Variants in ZNF19 observed in about 807,000 individuals in gnomAD.
The protein encoded by ZNF19 is zinc finger protein 19 (KOX 12).
A neutral mutation model predicts 13.1 loss-of-function variants in ZNF19; 11 were observed. That is an observed-to-expected ratio of 0.84 (90% CI 0.53 to 1.39). The LOEUF (loss-of-function observed/expected upper bound fraction) is 1.39. ZNF19 is among the 40% of genes most tolerant of loss of function. The pLI, the probability that ZNF19 is intolerant of heterozygous loss-of-function variation, is 0.00. For missense variants in ZNF19, 560 were observed against 547.0 expected (o/e 1.02, Z -0.24); for synonymous variants, 186 against 187.0 (o/e 0.99, Z 0.04).
chr16:71,481,085 C>G (rs2043634480), intron 3 of ZNF19, among the ~76,000 whole-genome samples: 1 of 152,236 alleles, frequency 6.6e-6, no homozygotes, highest in Admixed American at 6.5e-5. Context: ...AACAACAAGA[C>G]TTTGTGTCTC....
chr16:71,484,658 A>G lies in ZNF19; in HGVS notation c.-99T>C, dbSNP rs1206767090. The G allele has an allele frequency of 1.0e-6, 1 of 985,148 alleles. No individual in the cohort carries two copies. The highest frequency in any genetic ancestry group is 1.7e-5 in the African/African-American group (1 of 57,176). 61.0% of individuals were successfully genotyped at this position (985,148 alleles called of 1,614,324 possible). On this transcript the variant is annotated 5_prime_UTR_variant, in exon 2 of 6. Transcript: ENST00000288177. ...ACTTTGGCCTTGCACCCAGGCTCAC[A>G]CGCGTACTCTCTAGGATGCCGGAGC...
In ZNF19 at chr16:71,484,751, T is replaced by C. The variant is rs13331092; in HGVS notation, c.-189-3A>G. The C allele has an allele frequency of 7.0e-3, 6,876 of 985,044 alleles. 355 individuals carry two copies. In the African/African-American group the frequency reaches 0.11, roughly 16 times the overall value. The allele number at this position is 985,044 out of a possible 1,614,324, so 61.0% of individuals were successfully genotyped here. On this transcript the variant is annotated splice_region_variant and splice_polypyrimidine_tract_variant and intron_variant, in intron 1 of 5. Transcript: ENST00000288177. ...TCCACCCGGGGATCCTCAGAGACCT[T>C]GAATAGGAAAGAAAGTATATCATTG...
intron 1 of ZNF19, among the ~76,000 whole-genome samples, chr16:71,488,480 T>C (rs1251067844): frequency 6.6e-6 from 1 of 151,660 alleles, no homozygotes; most frequent in Non-Finnish European, 1.5e-5. Context: ...TCCCAAAGAA[T>C]CTACAAAACA....
In ZNF19 at chr16:71,478,260, G is replaced by A; in HGVS notation, c.242C>T (p.Pro81Leu). 1 of 1,614,010 alleles carries A rather than the reference G, an allele frequency of 6.2e-7. No homozygotes were observed. The highest frequency in any genetic ancestry group is 2.2e-5 in the East Asian group (1 of 44,872). ...MAWGLEAQDD[P>L]PAERTKNVCK... ...GACGTTTTTGGTCCTCTCTGCTGGG[G>A]GATCATCCTGTGCTTCCAGGCCCCA... Residue 81 changes from proline (P) to leucine (L), a missense_variant, in exon 5 of 6, where the codon CCC becomes CTC. Pro to Leu is a moderately conservative substitution (Grantham distance 98). Transcript: ENST00000288177.
Position 71,475,764 on chromosome 16 carries a change from A to G in ZNF19, c.783T>C (p.Val261=). Residue 261 remains valine, a synonymous_variant, in exon 6 of 6, where the codon GTT becomes GTC. Transcript: ENST00000288177. ...CCCCAGTGTGGATTCTCTGATGTAT[A>G]ACAAACTCGGAACTACTCGTGAAAC... ...GNSFTSSSEF[V]IHQRIHTGEK... 1 of 1,613,114 alleles carries G rather than the reference A, an allele frequency of 6.2e-7. No homozygotes were observed. The highest frequency in any genetic ancestry group is 8.5e-7 in the Non-Finnish European group (1 of 1,179,234).
At chr16:71,478,753 G>C in intron 4 of ZNF19, 126 bp downstream of exon 4, 1 of 1,349,366 alleles carries the variant, frequency 7.4e-7, no homozygotes, top group Non-Finnish European at 1.0e-6. Flanking sequence ...CAGCTCTGCA[G>C]TCACTCAGTG....
chr16:71,475,430 T>C lies in ZNF19; in HGVS notation c.1117A>G (p.Lys373Glu). The C allele has an allele frequency of 1.2e-6, 2 of 1,614,174 alleles. No homozygotes were observed. The highest frequency in any genetic ancestry group is 1.7e-6 in the Non-Finnish European group (2 of 1,180,024). ...TGAGTATGAATTCTCAGATGCCTTTTTAATTGTTCCTGAGCACTGAAGGCT... is the reference window on the plus strand; with the variant it reads ...TGAGTATGAATTCTCAGATGCCTTTCTAATTGTTCCTGAGCACTGAAGGCT... ...GKAFSAQEQL[K>E]RHLRIHTQES... Residue 373 changes from lysine to glutamate, a missense_variant, in exon 6 of 6, where the codon AAA becomes GAA. Coordinates refer to ENST00000288177, the MANE Select transcript of ZNF19 (RefSeq NM_006961.4).
intron 4 of ZNF19, 149 bp downstream of exon 4, chr16:71,478,730 G>T: frequency 9.1e-7 from 1 of 1,103,846 alleles, no homozygotes; most frequent in Non-Finnish European, 1.3e-6. Flanking sequence ...CTTTGAAGTT[G>T]GTCACTGAGC....
chr16:71,483,597 T>C (rs1048872968), intron 2 of ZNF19, among the ~76,000 whole-genome samples: 3 of 152,210 alleles, frequency 2.0e-5, no homozygotes, highest in Non-Finnish European at 4.4e-5. Context: ...CTATCCACCC[T>C]TCACCTTCAG....
Position 71,474,958 on chromosome 16 carries a change from A to C in ZNF19, c.*212T>G, listed in dbSNP as rs2043589926. On this transcript the variant is annotated 3_prime_UTR_variant, in exon 6 of 6. Coordinates refer to ENST00000288177, the MANE Select transcript of ZNF19 (RefSeq NM_006961.4). ...GTCTAGTTCTTCTTCTCAGCATTAA[A>C]ACCAATGGGGGTGGGCGGGGGGAGA... The C allele has an allele frequency of 1.7e-6, 1 of 602,180 alleles. No individual in the cohort carries two copies. The highest frequency in any genetic ancestry group is 2.8e-6 in the Non-Finnish European group (1 of 356,256). The allele number at this position is 602,180 out of a possible 1,614,324, so 37.3% of individuals were successfully genotyped here.
chr16:71,478,193 G>T (rs1369251218), intron 5 of ZNF19, 35 bp downstream of exon 5: 2 of 1,438,764 alleles, frequency 1.4e-6, no homozygotes, highest in Non-Finnish European at 9.8e-7. Context: ...TCCATAAAAC[G>T]CTACAATTGT....
intron 2 of ZNF19, among the ~76,000 whole-genome samples, chr16:71,482,658 C>G (rs999532774): frequency 1.3e-5 from 2 of 152,048 alleles, no homozygotes; most frequent in African/African-American, 4.8e-5. Context: ...TGGATGAACT[C>G]GGATCCCACA....
chr16:71,482,412 G>A, intron 2 of ZNF19: 1 of 358,562 alleles, frequency 2.8e-6, no homozygotes. Flanking sequence ...ACAAGCAAAA[G>A]ACACCAATAA....
At chr16:71,480,141 C>T (rs2043628200) in intron 3 of ZNF19, among the ~76,000 whole-genome samples, 1 of 152,166 alleles carries the variant, frequency 6.6e-6, no homozygotes, top group Admixed American at 6.5e-5. Flanking sequence ...CTGGCCTCAA[C>T]TCTACCTTTC....
rs1305118448 is a variant in ZNF19, at chr16:71,475,621, C to T, written c.926G>A (p.Ser309Asn). ...GCTTAGATGGGAAGTCCTTCCAAAG[C>T]TTTTGCCACACTCATTACACTCATA... Reference protein sequence around the residue: ...KPYECNECGKSFGRTSHLSQH... With the variant: ...KPYECNECGKNFGRTSHLSQH... Residue 309 changes from serine (S) to asparagine (N), a missense_variant, in exon 6 of 6, where the codon AGC (serine) becomes AAC (asparagine). Transcript: ENST00000288177. The T allele has an allele frequency of 6.2e-7, 1 of 1,614,060 alleles. No homozygotes were observed. The highest frequency in any genetic ancestry group is 8.5e-7 in the Non-Finnish European group (1 of 1,180,034).
chr16:71,478,411 A>T, intron 4 of ZNF19, 70 bp from the exon 5 acceptor site: 1 of 1,108,038 alleles, frequency 9.0e-7, no homozygotes, highest in Non-Finnish European at 1.4e-6. Flanking sequence ...AAACCCCAGG[A>T]GTCTCAGTAA....
chr16:71,479,762 T>TTTTC (rs372624836), intron 3 of ZNF19, among the ~76,000 whole-genome samples: 12 of 152,042 alleles, frequency 7.9e-5, no homozygotes, highest in Non-Finnish European at 1.8e-4. Flanking sequence ...TTGGGTTTTT[T>TTTTC]TTTCTTTCTT....
chr16:71,478,157 G>T, intron 5 of ZNF19, 71 bp downstream of exon 5: 1 of 1,012,384 alleles, frequency 9.9e-7, no homozygotes, highest in Non-Finnish European at 1.5e-6. Context: ...ATCCTGCCCA[G>T]CATGATTCAT....
intron 4 of ZNF19, 173 bp downstream of exon 4, chr16:71,478,706 C>G: frequency 1.1e-6 from 1 of 902,066 alleles, no homozygotes; most frequent in South Asian, 1.6e-5. Context: ...CAAGACCTCT[C>G]CCTACCCAGC....
Sources: gnomAD v4.1 joint callset for allele counts (sites outside exome capture counted in the v4.1 genomes callset) on GRCh38, gnomAD v4.1.1 for gene constraint, MANE v1.5 for transcripts, NCBI Gene and HGNC (gene_info 2026-07-23, HGNC 2026-07-21) for gene names.